KCNIP4: variants seen among roughly 807,000 people sequenced by gnomAD.
The protein encoded by KCNIP4 is potassium voltage-gated channel interacting protein 4.
A neutral mutation model predicts 34.0 loss-of-function variants in KCNIP4; 12 were observed. The observed-to-expected ratio is 0.35, with a 90% CI of 0.23 to 0.57. The LOEUF (loss-of-function observed/expected upper bound fraction) is 0.57, where lower values mean the gene tolerates loss of function less well. Ranked by LOEUF, KCNIP4 falls within the 20% of genes least tolerant of loss-of-function variation. The pLI is 0.83. For missense variants in KCNIP4, 238 were observed against 311.7 expected (o/e 0.76, Z 1.78); for synonymous variants, 124 against 102.2 (o/e 1.21, Z -1.29).
At chr4:20,819,907 C>T (rs1026257869) in intron 3 of KCNIP4, among the ~76,000 whole-genome samples, 1 of 152,188 alleles carries the variant, frequency 6.6e-6, no homozygotes, top group African/African-American at 2.4e-5. Context: ...TGCCAGCCTC[C>T]AGAACTGTGA....
chr4:21,399,102 C>G (rs1283640667), intron 1 of KCNIP4, among the ~76,000 whole-genome samples: 1 of 152,194 alleles, frequency 6.6e-6, no homozygotes, highest in Admixed American at 6.5e-5. Flanking sequence ...TTCCTTCTCA[C>G]GTTAGCACCT....
intron 1 of KCNIP4, among the ~76,000 whole-genome samples, chr4:21,780,563 A>C (rs1385011391): frequency 6.6e-6 from 1 of 152,140 alleles, no homozygotes; most frequent in Non-Finnish European, 1.5e-5. Flanking sequence ...GGGGACTCAG[A>C]GGAAGTTATT....
intron 1 of KCNIP4, among the ~76,000 whole-genome samples, chr4:21,075,893 T>C (rs1745444759): frequency 6.6e-6 from 1 of 152,166 alleles, no homozygotes; most frequent in Admixed American, 6.5e-5. Context: ...CTCCTTCACT[T>C]ACGAAGCTTA....
At chr4:20,967,957 G>T (rs1036642134) in intron 1 of KCNIP4, among the ~76,000 whole-genome samples, 1 of 152,136 alleles carries the variant, frequency 6.6e-6, no homozygotes, top group Non-Finnish European at 1.5e-5. Flanking sequence ...AAGAGTTTCT[G>T]TACAGCAAAA....
intron 1 of KCNIP4, among the ~76,000 whole-genome samples, chr4:21,854,521 C>G (rs747484463): frequency 6.6e-6 from 1 of 152,088 alleles, no homozygotes; most frequent in Non-Finnish European, 1.5e-5. Context: ...TAAATTCCCC[C>G]CAGTGTACAG....
chr4:20,922,730 A>T (rs1341373916), intron 1 of KCNIP4, among the ~76,000 whole-genome samples: 2 of 152,226 alleles, frequency 1.3e-5, no homozygotes, highest in Non-Finnish European at 1.5e-5. Flanking sequence ...AATGTACTCA[A>T]GTATAAAATA....
At chr4:21,521,797 T>G (rs1175179687) in intron 1 of KCNIP4, among the ~76,000 whole-genome samples, 1 of 152,142 alleles carries the variant, frequency 6.6e-6, no homozygotes, top group Non-Finnish European at 1.5e-5. Flanking sequence ...GCAGCCAGAG[T>G]AATTTCTACC....
intron 1 of KCNIP4, among the ~76,000 whole-genome samples, chr4:21,078,867 TA>T (rs1392993179): frequency 1.3e-5 from 2 of 152,072 alleles, no homozygotes; most frequent in East Asian, 3.9e-4. Flanking sequence ...GCGAATTATT[TA>T]TTTGGTTGTT....
At chr4:21,527,862 T>G (rs2108964961) in intron 1 of KCNIP4, among the ~76,000 whole-genome samples, 1 of 152,266 alleles carries the variant, frequency 6.6e-6, no homozygotes, top group East Asian at 1.9e-4. Context: ...TTGCATCTCT[T>G]AACTACTGTA....
intron 1 of KCNIP4, among the ~76,000 whole-genome samples, chr4:21,346,183 T>TA (rs1372057326): frequency 2.1e-5 from 2 of 93,596 alleles, no homozygotes; most frequent in Non-Finnish European, 4.1e-5. Flanking sequence ...GTAATATATA[T>TA]TATATATATA....
At chr4:21,627,879 A>G (rs559598766) in intron 1 of KCNIP4, among the ~76,000 whole-genome samples, 2 of 152,166 alleles carry the variant, frequency 1.3e-5, no homozygotes, top group Non-Finnish European at 2.9e-5. Context: ...CGGTTATATT[A>G]TGAAAGTTGA....
intron 1 of KCNIP4, among the ~76,000 whole-genome samples, chr4:21,647,091 A>G (rs578163190): frequency 6.6e-6 from 1 of 152,214 alleles, no homozygotes; most frequent in East Asian, 1.9e-4. Flanking sequence ...AACAAAGACT[A>G]CATTTTCCTT....
intron 1 of KCNIP4, among the ~76,000 whole-genome samples, chr4:21,872,437 T>A (rs1364238495): frequency 6.6e-6 from 1 of 152,146 alleles, no homozygotes; most frequent in East Asian, 1.9e-4. Flanking sequence ...ATCCACAGGC[T>A]AAAGAGAAGC....
intron 1 of KCNIP4, among the ~76,000 whole-genome samples, chr4:21,691,087 T>C (rs1412324102): frequency 1.3e-5 from 2 of 152,182 alleles, no homozygotes; most frequent in Non-Finnish European, 2.9e-5. Context: ...CTGTGAGTAA[T>C]TTTAAATAAA....
intron 3 of KCNIP4, among the ~76,000 whole-genome samples, chr4:20,763,892 A>G (rs1424950071): frequency 6.6e-6 from 1 of 152,186 alleles, no homozygotes; most frequent in Non-Finnish European, 1.5e-5. Flanking sequence ...GTCATTTAGC[A>G]GTATAAATTG....
intron 1 of KCNIP4, among the ~76,000 whole-genome samples, chr4:21,063,878 T>C (rs1393950305): frequency 6.6e-6 from 1 of 152,210 alleles, no homozygotes; most frequent in East Asian, 1.9e-4. Context: ...TTTATATTAA[T>C]AATATGAAAT....
Position 21,665,769 on chromosome 4 carries a change from C to CAACTGGGGCAA in KCNIP4, c.61+282801_61+282802insTTGCCCCAGTT, listed in dbSNP as rs1302693765. 2.6e-5 allele frequency among the ~76,000 whole-genome samples: 4 copies of CAACTGGGGCAA among 152,094 alleles called. No homozygotes were observed. In the East Asian group the frequency reaches 7.7e-4, roughly 29 times the overall value. Reference sequence around the variant, plus strand: ...ATTTGGCAAAACTTGTGCTGGGGCCCAACTATGCTGGATACAGAATTCTCT... The same window carrying CAACTGGGGCAA: ...ATTTGGCAAAACTTGTGCTGGGGCCCAACTGGGGCAAAACTATGCTGGATACAGAATTCTCT... On this transcript the variant is annotated intron_variant, in intron 1 of 8. Coordinates refer to ENST00000382152, the MANE Select transcript of KCNIP4 (RefSeq NM_025221.6).
intron 3 of KCNIP4, among the ~76,000 whole-genome samples, chr4:20,814,045 A>G (rs1041792410): frequency 1.3e-5 from 2 of 152,012 alleles, no homozygotes; most frequent in Non-Finnish European, 2.9e-5. Flanking sequence ...AAACCTCAAG[A>G]CTTCTTGCTG....
intron 1 of KCNIP4, among the ~76,000 whole-genome samples, chr4:21,216,916 A>G (rs1029983850): frequency 2.6e-5 from 4 of 152,210 alleles, no homozygotes; most frequent in South Asian, 2.1e-4. Context: ...AACATAATCT[A>G]TAGTATCTAT....
Sources: gnomAD v4.1 joint callset for allele counts (sites outside exome capture counted in the v4.1 genomes callset) on GRCh38, gnomAD v4.1.1 for gene constraint, MANE v1.5 for transcripts, NCBI Gene and HGNC (gene_info 2026-07-23, HGNC 2026-07-21) for gene names.